AKAP6: variants seen among roughly 807,000 people sequenced by gnomAD.
AKAP6 encodes A-kinase anchor protein 6.
A neutral mutation model predicts 188.5 loss-of-function variants in AKAP6; 58 were observed. The ratio of observed to expected loss-of-function variants is 0.31; its 90% confidence interval spans 0.25 to 0.38. The LOEUF (loss-of-function observed/expected upper bound fraction) is 0.38. Ranked by LOEUF, AKAP6 falls within the 10% of genes least tolerant of loss-of-function variation. The pLI is 1.00. For missense variants in AKAP6, 2,710 were observed against 2,740.0 expected, an observed-to-expected ratio of 0.99 and a Z score of 0.24; for synonymous variants, 989 against 998.6, an observed-to-expected ratio of 0.99 and a Z score of 0.18.
At chr14:32,688,896 A>G (rs1044932327) in intron 8 of AKAP6, among the ~76,000 whole-genome samples, 4 of 152,146 alleles carry the variant, frequency 2.6e-5, no homozygotes, top group Non-Finnish European at 4.4e-5. Context: ...GCAACAGACA[A>G]TTATTTACAG....
intron 12 of AKAP6, among the ~76,000 whole-genome samples, chr14:32,808,938 C>T (rs1381564689): frequency 6.6e-6 from 1 of 152,148 alleles, no homozygotes; most frequent in African/African-American, 2.4e-5. Flanking sequence ...TCAGGGAGCA[C>T]TAATGCTCTA....
At chr14:32,454,704 C>T (rs1375554558) in intron 2 of AKAP6, among the ~76,000 whole-genome samples, 30 of 50,172 alleles carry the variant, frequency 6.0e-4, no homozygotes, top group African/African-American at 1.7e-3. Context: ...TCCCTCCCTC[C>T]CTCCTTCCCT....
rs976420635 is a variant in AKAP6, at chr14:32,832,631, T to C, written c.*2826T>C. 6.6e-6 allele frequency: 1 copy of C among 152,198 alleles called. No homozygotes were observed. The highest frequency in any genetic ancestry group is 1.5e-5 in the Non-Finnish European group (1 of 68,034). 9.4% of individuals were successfully genotyped at this position (152,198 alleles called of 1,614,324 possible). On this transcript the variant is annotated 3_prime_UTR_variant, in exon 14 of 14. Transcript: ENST00000280979. The stretch of plus-strand genomic sequence containing the variant: ...GATCACACCAACTCTGCCTACACAC[T>C]TCCAGTGATAGTGGCTCATTGTCTG...
chr14:32,800,119 T>C (rs1028631249), intron 12 of AKAP6, among the ~76,000 whole-genome samples: 11 of 142,936 alleles, frequency 7.7e-5, no homozygotes, highest in Middle Eastern at 3.6e-3. Flanking sequence ...TATATACACA[T>C]ATATATACAC....
intron 2 of AKAP6, among the ~76,000 whole-genome samples, chr14:32,510,492 A>ATATATATATATATACATATATATATGTG (rs1566547070): frequency 3.1e-4 from 35 of 113,382 alleles, no homozygotes; most frequent in African/African-American, 1.3e-3. Flanking sequence ...ATATATGTGT[A>ATATATATATATATACATATATATATGTG]TATATATATA....
At chr14:32,722,535 C>T (rs950161346) in intron 9 of AKAP6, among the ~76,000 whole-genome samples, 1 of 152,102 alleles carries the variant, frequency 6.6e-6, no homozygotes, top group African/African-American at 2.4e-5. Flanking sequence ...CAAAACCACC[C>T]TGGCCCACCA....
chr14:32,672,710 T>A (rs1481827643), intron 7 of AKAP6, among the ~76,000 whole-genome samples: 1 of 152,162 alleles, frequency 6.6e-6, no homozygotes, highest in Non-Finnish European at 1.5e-5. Context: ...TAATATTATG[T>A]TAAAAGTTTA....
intron 1 of AKAP6, among the ~76,000 whole-genome samples, chr14:32,333,646 T>A (rs1201315766): frequency 2.0e-5 from 3 of 152,170 alleles, no homozygotes; most frequent in Admixed American, 2.0e-4. Context: ...ATAATAACTT[T>A]TTTTTTTCTT....
At chr14:32,794,875 CAA>C (rs1205441804) in intron 12 of AKAP6, among the ~76,000 whole-genome samples, 1 of 151,404 alleles carries the variant, frequency 6.6e-6, no homozygotes. Context: ...TTTAAATTAA[CAA>C]AAGAGACCAC....
chr14:32,662,068 A>G (rs1323876574), intron 7 of AKAP6, among the ~76,000 whole-genome samples: 1 of 152,142 alleles, frequency 6.6e-6, no homozygotes, highest in Admixed American at 6.6e-5. Context: ...TACCACAGCC[A>G]ATGAATCTGT....
intron 7 of AKAP6, among the ~76,000 whole-genome samples, chr14:32,634,414 G>A (rs1887401198): frequency 6.6e-6 from 1 of 152,000 alleles, no homozygotes; most frequent in African/African-American, 2.4e-5. Flanking sequence ...TCAACTTTGA[G>A]TTCAAAGTTT....
intron 1 of AKAP6, among the ~76,000 whole-genome samples, chr14:32,416,135 T>G (rs1889649274): frequency 6.6e-6 from 1 of 152,198 alleles, no homozygotes; most frequent in African/African-American, 2.4e-5. Context: ...TTTTCTAAAG[T>G]AGCTGTACCA....
chr14:32,355,646 C>A lies in AKAP6; in HGVS notation c.-35+26238C>A, dbSNP rs574965890. On this transcript the variant is annotated intron_variant, in intron 1 of 13. Transcript: ENST00000280979. Reference sequence around the variant, plus strand: ...AGACAAGATCTAGTGGTGGGCCTAACAACTACCATAATTTTGAACCAATAA... The same window carrying A: ...AGACAAGATCTAGTGGTGGGCCTAAAAACTACCATAATTTTGAACCAATAA... 7.8e-4 allele frequency among the ~76,000 whole-genome samples: 118 copies of A among 152,254 alleles called. 1 individual carries two copies. The highest frequency in any genetic ancestry group is 1.3e-3 in the Admixed American group (20 of 15,292).
rs925411343 is a variant in AKAP6, at chr14:32,676,852, G to A, written c.2731-1459G>A. ...TTTTTTTCTTTTCTTTTTTTAAATT[G>A]AGAAAGCGTCTCACTTTGTTGCCCA... On this transcript the variant is annotated intron_variant, in intron 7 of 13. Transcript: ENST00000280979. Among the ~76,000 whole-genome samples, 32 of 151,890 alleles carry A rather than the reference G, an allele frequency of 2.1e-4. 1 individual carries two copies. The highest frequency in any genetic ancestry group is 2.0e-3 in the Admixed American group (31 of 15,236).
chr14:32,379,510 C>T (rs1304761720), intron 1 of AKAP6, among the ~76,000 whole-genome samples: 1 of 151,974 alleles, frequency 6.6e-6, no homozygotes, highest in East Asian at 1.9e-4. Context: ...TTTTCTCTCC[C>T]CATATCTCAT....
At chr14:32,662,756 A>G (rs887536657) in intron 7 of AKAP6, among the ~76,000 whole-genome samples, 2 of 152,126 alleles carry the variant, frequency 1.3e-5, no homozygotes, top group African/African-American at 2.4e-5. Context: ...CATTCTGTGA[A>G]TGTTCTGTTT....
chr14:32,422,053 G>A (rs1227723462), intron 1 of AKAP6, among the ~76,000 whole-genome samples: 1 of 152,186 alleles, frequency 6.6e-6, no homozygotes, highest in African/African-American at 2.4e-5. Context: ...TCTGAACTGG[G>A]GGTGGAAGCA....
chr14:32,552,218 C>T (rs563018693), intron 4 of AKAP6, among the ~76,000 whole-genome samples: 3 of 152,274 alleles, frequency 2.0e-5, no homozygotes, highest in East Asian at 1.9e-4. Flanking sequence ...TCCTATGCAG[C>T]ACAGCTAATA....
At chr14:32,777,081 A>G (rs866876520) in intron 12 of AKAP6, among the ~76,000 whole-genome samples, 6 of 152,208 alleles carry the variant, frequency 3.9e-5, no homozygotes, top group African/African-American at 9.6e-5. Context: ...ATAGGGTACC[A>G]AGAAAAGTTT....
Sources: allele counts gnomAD v4.1 joint callset (sites outside exome capture counted in the v4.1 genomes callset), GRCh38; gene constraint gnomAD v4.1.1; transcripts MANE v1.5; gene names NCBI Gene and HGNC (gene_info 2026-07-23, HGNC 2026-07-21).